Variants in RTN1 observed in about 807,000 individuals in gnomAD.
RTN1 encodes reticulon-1.
Under a neutral mutation model 65.5 loss-of-function variants are expected in RTN1, and 25 were observed. The ratio of observed to expected loss-of-function variants is 0.38; its 90% CI spans 0.28 to 0.53. The LOEUF (loss-of-function observed/expected upper bound fraction) is 0.53, where lower values mean the gene tolerates loss of function less well. Among genes scored for constraint, RTN1 ranks in the 20% least tolerant of loss-of-function variants. RTN1 has a pLI of 0.79. For synonymous variants in RTN1, 471 were observed against 447.6 expected, an observed-to-expected ratio of 1.05 and a Z score of -0.66; for missense variants, 983 against 1,025.4, an observed-to-expected ratio of 0.96 and a Z score of 0.57.
In RTN1 at chr14:59,682,691, G is replaced by A. The variant is rs183497361; in HGVS notation, c.1765+44228C>T. 1.6e-4 allele frequency among the ~76,000 whole-genome samples: 25 copies of A among 152,192 alleles called. 1 individual carries two copies. In the East Asian group the frequency reaches 3.9e-3, roughly 24 times the overall value. The stretch of plus-strand genomic sequence containing the variant: ...TAAAACAGAAACAATTGTCTCTAGG[G>A]AACAAAATCAAATGTATACTTACAG... On this transcript the variant is annotated intron_variant, in intron 3 of 8. Transcript: ENST00000267484.
chr14:59,630,656 G>T (rs901194154), intron 3 of RTN1: 3 of 1,246,212 alleles, frequency 2.4e-6, no homozygotes, highest in African/African-American at 3.1e-5. Context: ...GGTGAGGGGC[G>T]GGAGCGTCGC....
chr14:59,679,753 ACTT>A (rs1883705943), intron 3 of RTN1, among the ~76,000 whole-genome samples: 1 of 152,210 alleles, frequency 6.6e-6, no homozygotes, highest in African/African-American at 2.4e-5. Context: ...TGCCACAGAC[ACTT>A]CAAAGTTCAC....
At chr14:59,689,313 G>C (rs1467805444) in intron 3 of RTN1, among the ~76,000 whole-genome samples, 1 of 152,162 alleles carries the variant, frequency 6.6e-6, no homozygotes, top group African/African-American at 2.4e-5. Context: ...ATGGGATTAG[G>C]TAAAGTTACT....
chr14:59,793,051 C>T (rs919284984), intron 1 of RTN1, among the ~76,000 whole-genome samples: 7 of 152,066 alleles, frequency 4.6e-5, no homozygotes, highest in Non-Finnish European at 1.0e-4. Flanking sequence ...TTGTTTTGAG[C>T]AATTAATATA....
chr14:59,602,873 T>C (rs11622741), intron 8 of RTN1, among the ~76,000 whole-genome samples, 192 bp downstream of exon 8: 37,015 of 152,052 alleles, frequency 0.24, 4,825 homozygotes, highest in South Asian at 0.35. Flanking sequence ...TTTAATTTAA[T>C]TGAGAGTTTA....
chr14:59,660,708 C>A (rs975184875), intron 3 of RTN1, among the ~76,000 whole-genome samples: 5 of 152,050 alleles, frequency 3.3e-5, no homozygotes, highest in African/African-American at 7.2e-5. Context: ...ACACAATGTA[C>A]CAGAATCTCT....
intron 1 of RTN1, among the ~76,000 whole-genome samples, chr14:59,819,411 AC>A (rs1566737447): frequency 1.6e-4 from 2 of 12,732 alleles, no homozygotes; most frequent in Admixed American, 7.0e-4. Context: ...CCACACCACC[AC>A]CACCCCCCCC....
intron 1 of RTN1, among the ~76,000 whole-genome samples, chr14:59,828,664 C>A (rs181339789): frequency 1.3e-5 from 2 of 152,288 alleles, no homozygotes; most frequent in Non-Finnish European, 2.9e-5. Flanking sequence ...GAGGTCCTTA[C>A]AAAAGTGTCC....
intron 1 of RTN1, among the ~76,000 whole-genome samples, chr14:59,788,529 C>A (rs1886292289): frequency 1.3e-5 from 2 of 151,900 alleles, no homozygotes; most frequent in South Asian, 2.1e-4. Flanking sequence ...CCATGAAGTT[C>A]CTGTTCATAT....
chr14:59,763,206 G>GC (rs1186006261), intron 1 of RTN1, among the ~76,000 whole-genome samples: 2 of 152,138 alleles, frequency 1.3e-5, no homozygotes, highest in East Asian at 3.8e-4. Flanking sequence ...CAGAAGATGT[G>GC]CCCCAGAGGT....
Position 59,849,814 on chromosome 14 carries a change from G to A in RTN1, c.241+20576C>T, listed in dbSNP as rs1887472168. Among the ~76,000 whole-genome samples the A allele has an allele frequency of 1.3e-5, 2 of 152,192 alleles. No homozygotes were observed. The highest frequency in any genetic ancestry group is 4.8e-5 in the African/African-American group (2 of 41,438). ...CACTTACTCCAGGTTCTAGAATTTA[G>A]CCAAGTCTTCTTAACTACTTCTCTT... is the stretch of plus-strand genomic sequence containing the variant. On this transcript the variant is annotated intron_variant, in intron 1 of 8. Coordinates refer to ENST00000267484, the MANE Select transcript of RTN1 (RefSeq NM_021136.3). The surrounding 1 kb of genome is among the most constrained non-coding windows in gnomAD (Gnocchi z 4.5).
At chr14:59,854,251 G>A (rs889006303) in intron 1 of RTN1, among the ~76,000 whole-genome samples, 8 of 152,054 alleles carry the variant, frequency 5.3e-5, no homozygotes, top group Non-Finnish European at 8.8e-5. Context: ...TTTAGCCACC[G>A]TCTTCCCCAT....
chr14:59,652,430 A>C (rs1242760651), intron 3 of RTN1, among the ~76,000 whole-genome samples: 2 of 152,238 alleles, frequency 1.3e-5, no homozygotes, highest in Non-Finnish European at 2.9e-5. Flanking sequence ...AACCAACCTA[A>C]ATGCCCATTA....
At chr14:59,679,215 C>G (rs1447562598) in intron 3 of RTN1, among the ~76,000 whole-genome samples, 1 of 152,164 alleles carries the variant, frequency 6.6e-6, no homozygotes, top group Non-Finnish European at 1.5e-5. Context: ...GAAGTATTCT[C>G]AATTTCCCTC....
chr14:59,596,328 C>T lies in RTN1; in HGVS notation c.*417G>A, dbSNP rs747733070. On this transcript the variant is annotated 3_prime_UTR_variant, in exon 9 of 9. Transcript: ENST00000267484. ...CTATATATTGTTATTAAAGATTAAT[C>T]CAACCAGCAACCCAAGGACATATAA... The T allele has an allele frequency of 9.2e-4, 143 of 155,794 alleles. 1 individual carries two copies. Among genetic ancestry groups the T allele is most frequent in the Admixed American group, 9.0e-4 (14 of 15,632 alleles). The allele number at this position is 155,794 out of a possible 1,614,324, so 9.7% of individuals were successfully genotyped here. A position where few individuals can be genotyped will look rare whatever the true frequency, so the allele number is the denominator to read the frequency against.
At chr14:59,733,413 G>C (rs943085168) in intron 2 of RTN1, among the ~76,000 whole-genome samples, 1 of 151,840 alleles carries the variant, frequency 6.6e-6, no homozygotes, top group Admixed American at 6.6e-5. Context: ...TTTAAGCAGG[G>C]CTCCCATCCA....
intron 3 of RTN1, among the ~76,000 whole-genome samples, chr14:59,654,145 G>A (rs559128174): frequency 4.3e-4 from 66 of 152,182 alleles, no homozygotes; most frequent in African/African-American, 1.6e-3. Flanking sequence ...AGGAGGAGGG[G>A]CTGGACGCAG....
intron 5 of RTN1, chr14:59,605,061 A>G (rs1252299285): frequency 5.0e-6 from 1 of 199,650 alleles, no homozygotes; most frequent in African/African-American, 2.3e-5. Context: ...GGAACTAAAA[A>G]TGGTTTAAGG....
intron 3 of RTN1, among the ~76,000 whole-genome samples, chr14:59,663,918 A>T (rs1348368242): frequency 2.6e-5 from 4 of 152,160 alleles, no homozygotes; most frequent in African/African-American, 9.7e-5. Context: ...GCGATTCCTC[A>T]AGGATCTAGA....
Sources: gnomAD v4.1 joint callset for allele counts (sites outside exome capture counted in the v4.1 genomes callset) on GRCh38, gnomAD v4.1.1 for gene constraint, Gnocchi (gnomAD v3.1) non-coding constraint, MANE v1.5 for transcripts, NCBI Gene and HGNC (gene_info 2026-07-23, HGNC 2026-07-21) for gene names.